Variants in DEPDC5 observed in about 807,000 individuals in gnomAD.
DEPDC5 encodes DEP domain containing 5, GATOR1 subcomplex subunit.
Under a neutral mutation model 217.3 loss-of-function variants are expected in DEPDC5, and 73 were observed. The observed-to-expected ratio is 0.34, with a 90% CI of 0.28 to 0.41. DEPDC5 has a LOEUF of 0.41. Among genes scored for constraint, DEPDC5 ranks in the 10% least tolerant of loss-of-function variants. The pLI is 1.00. For missense variants in DEPDC5, 1,675 were observed against 2,070.1 expected (o/e 0.81, Z 3.70); for synonymous variants, 733 against 756.7 (o/e 0.97, Z 0.51).
intron 27 of DEPDC5, among the ~76,000 whole-genome samples, chr22:31,842,316 C>G (rs1962459983): frequency 6.6e-6 from 1 of 152,140 alleles, no homozygotes; most frequent in African/African-American, 2.4e-5. Context: ...TGGCTCACGC[C>G]TGTAATCCCA....
At chr22:31,898,838 G>A (rs1359871991) in intron 40 of DEPDC5, among the ~76,000 whole-genome samples, 1 of 152,204 alleles carries the variant, frequency 6.6e-6, no homozygotes, top group Non-Finnish European at 1.5e-5. Flanking sequence ...TATAGACTGT[G>A]GGACACACAG....
At chr22:31,785,163 A>G in intron 10 of DEPDC5, 1 of 246,708 alleles carries the variant, frequency 4.1e-6, no homozygotes, top group Non-Finnish European at 7.7e-6. Context: ...TAGAAGTTCT[A>G]GACAGACCAC....
intron 30 of DEPDC5, 109 bp from the exon 31 acceptor site, chr22:31,846,725 T>C: frequency 8.0e-6 from 12 of 1,506,986 alleles, no homozygotes; most frequent in Non-Finnish European, 8.2e-6. Context: ...CTTGACCCTG[T>C]CCATGGGATT....
At chr22:31,824,605 G>A (rs781655916) in intron 24 of DEPDC5, among the ~76,000 whole-genome samples, 2 of 152,022 alleles carry the variant, frequency 1.3e-5, no homozygotes, top group Non-Finnish European at 2.9e-5. Flanking sequence ...TACAAATGTA[G>A]GGATAGAAAG....
chr22:31,773,028 C>G (rs1053501503), intron 7 of DEPDC5, among the ~76,000 whole-genome samples: 1 of 152,084 alleles, frequency 6.6e-6, no homozygotes, highest in African/African-American at 2.4e-5. Context: ...GTGATCTGCA[C>G]ACGTTGGCCT....
At chr22:31,778,191 T>C (rs1353890704) in intron 8 of DEPDC5, 23 bp downstream of exon 8, 1 of 1,611,510 alleles carries the variant, frequency 6.2e-7, no homozygotes, top group Admixed American at 1.7e-5. Context: ...AAATGCTTTT[T>C]TGGTTTTATC....
In DEPDC5 at chr22:31,854,411, G is replaced by C. The variant is rs2092186005; in HGVS notation, c.3156-3034G>C. Among the ~76,000 whole-genome samples, 5 of 152,220 alleles carry C rather than the reference G, an allele frequency of 3.3e-5. No homozygotes were observed. The South Asian group carries it at 1.0e-3, about 32-fold the overall frequency. On this transcript the variant is annotated intron_variant, in intron 31 of 42. Transcript: ENST00000651528. The stretch of plus-strand genomic sequence containing the variant: ...GAGGAAAACACACTGCATTGTGATA[G>C]AAAGAGAGACTGTGGTGTCAGTGGA...
chr22:31,783,861 A>C, intron 8 of DEPDC5, 46 bp from the exon 9 acceptor site: 2 of 1,529,980 alleles, frequency 1.3e-6, no homozygotes, highest in Non-Finnish European at 1.8e-6. Context: ...TAGAACTGAA[A>C]CTGTATATGG....
rs1160512793 is a variant in DEPDC5, at chr22:31,803,206, TTTTC to T, written c.1081+380_1081+383del. Among the ~76,000 whole-genome samples, 13 of 151,912 alleles carry T rather than the reference TTTTC, an allele frequency of 8.6e-5. No homozygotes were observed. In the East Asian group the frequency reaches 1.9e-3, roughly 23 times the overall value. On this transcript the variant is annotated intron_variant, in intron 15 of 42. Transcript: ENST00000651528. Reference sequence around the variant, plus strand: ...AAGGGACCCATGTGCTGTCAGCCGATTTTCTTTCTTTCTTTTTTTTTTTAGACGG... The same window carrying T: ...AAGGGACCCATGTGCTGTCAGCCGATTTTCTTTCTTTTTTTTTTTAGACGG...
At chr22:31,809,497 C>A in intron 18 of DEPDC5, 114 bp from the exon 19 acceptor site, 1 of 1,148,390 alleles carries the variant, frequency 8.7e-7, no homozygotes, top group Non-Finnish European at 1.3e-6. Context: ...TAGCTCCTGC[C>A]TTTCTGTCAG....
rs577973113 is a variant in DEPDC5, at chr22:31,850,114, G to A, written c.3155+3147G>A. Among the ~76,000 whole-genome samples the A allele has an allele frequency of 7.9e-5, 12 of 152,164 alleles. No homozygotes were observed. In the East Asian group the frequency reaches 1.9e-3, roughly 24 times the overall value. Reference sequence around the variant, plus strand: ...AGCCTGGGTGATAGAGTGAGACTCTGTCTCAACAACAACAACAACAAAATT... The same window carrying A: ...AGCCTGGGTGATAGAGTGAGACTCTATCTCAACAACAACAACAACAAAATT... On this transcript the variant is annotated intron_variant, in intron 31 of 42. Transcript: ENST00000651528.
At position 31,785,139 on chromosome 22, in the gene DEPDC5, A is replaced by G. The variant is rs182718390; in HGVS notation, c.624+264A>G. 1.8e-3 allele frequency: 648 copies of G among 352,488 alleles called. 4 individuals are homozygous for G. The highest frequency in any genetic ancestry group is 0.012 in the African/African-American group (583 of 47,056). 21.8% of individuals were successfully genotyped at this position (352,488 alleles called of 1,614,324 possible). A position where few individuals can be genotyped will look rare whatever the true frequency, so the allele number is the denominator to read the frequency against. Reference sequence around the variant, plus strand: ...ATGCTTGCTTTTGCCACTGATATTCAACATTATACTAACTAGAAGTTCTAG... The same window carrying G: ...ATGCTTGCTTTTGCCACTGATATTCGACATTATACTAACTAGAAGTTCTAG... On this transcript the variant is annotated intron_variant, in intron 10 of 42. Coordinates refer to ENST00000651528, the MANE Select transcript of DEPDC5 (RefSeq NM_001242896.3).
chr22:31,890,120 T>A (rs1169987797), intron 38 of DEPDC5, among the ~76,000 whole-genome samples: 1 of 152,136 alleles, frequency 6.6e-6, no homozygotes, highest in African/African-American at 2.4e-5. Context: ...TCCACACTCC[T>A]TTCTCATCCA....
intron 29 of DEPDC5, among the ~76,000 whole-genome samples, chr22:31,844,472 G>A (rs1472769635): frequency 6.6e-6 from 1 of 152,114 alleles, no homozygotes; most frequent in Non-Finnish European, 1.5e-5. Flanking sequence ...ACCCCATGAA[G>A]CTCAGGGATG....
chr22:31,813,673 A>C (rs550805446), intron 20 of DEPDC5, among the ~76,000 whole-genome samples: 1 of 144,030 alleles, frequency 6.9e-6, no homozygotes, highest in East Asian at 2.0e-4. Context: ...TTATGTTTTA[A>C]TAAGGCTATA....
In DEPDC5 at chr22:31,857,542, A is replaced by G. The variant is rs761707089; in HGVS notation, c.3253A>G (p.Ser1085Gly). 2 of 1,610,690 alleles carry G rather than the reference A, an allele frequency of 1.2e-6. No individual in the cohort carries two copies. The highest frequency in any genetic ancestry group is 1.7e-6 in the Non-Finnish European group (2 of 1,178,602). ...TGCCATGACTCCCACCTACATGGAC[A>G]GCCCACGAAAGGTAAAGGAAGCCGC... ...SVAMTPTYMD[S>G]PRKDGAFFME... Residue 1085 changes from serine to glycine, a missense_variant, in exon 32 of 43, where the codon AGC (serine) becomes GGC (glycine). By Grantham distance (56) the Ser-to-Gly change is moderately conservative. Transcript: ENST00000651528.
intron 18 of DEPDC5, 94 bp from the exon 19 acceptor site, chr22:31,809,517 G>C: frequency 7.2e-7 from 1 of 1,380,060 alleles, no homozygotes; most frequent in South Asian, 1.2e-5. Flanking sequence ...GTTACAGGCT[G>C]TCTTCCCTGG....
chr22:31,784,174 C>T, intron 9 of DEPDC5, 189 bp downstream of exon 9: 1 of 464,264 alleles, frequency 2.2e-6, no homozygotes. Flanking sequence ...TTTCAATAAT[C>T]AAATTTTTTT....
At chr22:31,829,728 A>G (rs866033359) in intron 24 of DEPDC5, among the ~76,000 whole-genome samples, 1 of 151,904 alleles carries the variant, frequency 6.6e-6, no homozygotes, top group Non-Finnish European at 1.5e-5. Context: ...ACAGAATTTC[A>G]TTTGGAGTGT....
Sources: allele counts gnomAD v4.1 joint callset (sites outside exome capture counted in the v4.1 genomes callset), GRCh38; gene constraint gnomAD v4.1.1; transcripts MANE v1.5; gene names NCBI Gene and HGNC (gene_info 2026-07-23, HGNC 2026-07-21).